GALNTL6: variants seen among roughly 807,000 people sequenced by gnomAD.
GALNTL6 encodes the protein polypeptide N-acetylgalactosaminyltransferase-like 6.
Under a neutral mutation model 73.7 loss-of-function variants are expected in GALNTL6, and 46 were observed. The ratio of observed to expected loss-of-function variants is 0.62; its 90% CI spans 0.49 to 0.80. The LOEUF (loss-of-function observed/expected upper bound fraction) is 0.80, where lower values mean the gene tolerates loss of function less well. Ranked by LOEUF, GALNTL6 falls within the 30% of genes least tolerant of loss-of-function variation. The pLI is 0.00. For missense variants in GALNTL6, 604 were observed against 755.0 expected (o/e 0.80, Z 2.34); for synonymous variants, 259 against 263.7 (o/e 0.98, Z 0.17).
chr4:172,685,026 A>C (rs1732837298), intron 5 of GALNTL6, among the ~76,000 whole-genome samples: 1 of 152,208 alleles, frequency 6.6e-6, no homozygotes, highest in South Asian at 2.1e-4. Flanking sequence ...CATATTGTAA[A>C]TACCTACAGC....
intron 10 of GALNTL6, among the ~76,000 whole-genome samples, chr4:172,975,071 T>C (rs768863819): frequency 4.6e-5 from 7 of 152,256 alleles, no homozygotes; most frequent in Non-Finnish European, 8.8e-5. Flanking sequence ...AGGGGATGGG[T>C]GTGTGTTTCA....
intron 5 of GALNTL6, among the ~76,000 whole-genome samples, chr4:172,577,378 C>G (rs1736995021): frequency 6.6e-6 from 1 of 152,134 alleles, no homozygotes; most frequent in Non-Finnish European, 1.5e-5. Flanking sequence ...ATTTTTATCC[C>G]TCTGTGTCCA....
chr4:172,822,193 C>G (rs1190182049), intron 7 of GALNTL6, among the ~76,000 whole-genome samples: 1 of 152,158 alleles, frequency 6.6e-6, no homozygotes, highest in African/African-American at 2.4e-5. Context: ...TACTGTACCT[C>G]CCTGCTTTTC....
intron 3 of GALNTL6, among the ~76,000 whole-genome samples, chr4:172,307,134 G>T (rs1452826432): frequency 3.3e-5 from 5 of 152,140 alleles, no homozygotes; most frequent in South Asian, 2.1e-4. Context: ...ACTATTTTTT[G>T]ATTTTTAAAT....
intron 2 of GALNTL6, among the ~76,000 whole-genome samples, chr4:172,017,879 T>C (rs570299611): frequency 3.7e-4 from 56 of 152,166 alleles, no homozygotes; most frequent in Admixed American, 6.5e-4. Flanking sequence ...CTCCAAGCCA[T>C]GGATACAGGC....
At chr4:172,205,680 C>T (rs1323286027) in intron 2 of GALNTL6, among the ~76,000 whole-genome samples, 1 of 151,990 alleles carries the variant, frequency 6.6e-6, no homozygotes, top group Non-Finnish European at 1.5e-5. Flanking sequence ...GAAGCTACTG[C>T]GATGTTTGTT....
intron 12 of GALNTL6, among the ~76,000 whole-genome samples, chr4:173,037,848 T>C (rs980237826): frequency 2.0e-5 from 3 of 152,018 alleles, no homozygotes; most frequent in Non-Finnish European, 4.4e-5. Flanking sequence ...GTTCAAGCGA[T>C]TCTCCTGCCT....
chr4:172,205,855 T>G (rs1736093640), intron 2 of GALNTL6, among the ~76,000 whole-genome samples: 1 of 152,226 alleles, frequency 6.6e-6, no homozygotes, highest in Non-Finnish European at 1.5e-5. Flanking sequence ...ACATAGTTTT[T>G]CCTTTCTGAG....
chr4:172,296,592 T>A lies in GALNTL6; in HGVS notation c.248-15022T>A, dbSNP rs532679360. Among the ~76,000 whole-genome samples, 7 of 152,216 alleles carry A rather than the reference T, an allele frequency of 4.6e-5. No individual in the cohort carries two copies. In the South Asian group the frequency reaches 1.5e-3, roughly 32 times the overall value. On this transcript the variant is annotated intron_variant, in intron 3 of 12. Transcript: ENST00000506823. ...GTGTTCTCATTGTTCAGTTCCCACC[T>A]ATGAGTGAGAACATGTGGTGTTTGG...
intron 2 of GALNTL6, among the ~76,000 whole-genome samples, chr4:172,005,186 G>A (rs1470605684): frequency 2.6e-5 from 4 of 151,662 alleles, no homozygotes; most frequent in South Asian, 2.1e-4. Context: ...GTGCAATGGC[G>A]CGATCTTGGC....
chr4:172,932,797 G>T (rs1748420399), intron 9 of GALNTL6, among the ~76,000 whole-genome samples: 2 of 152,160 alleles, frequency 1.3e-5, no homozygotes, highest in Admixed American at 6.5e-5. Flanking sequence ...TAGTACTTAT[G>T]TGTGGAATTT....
intron 5 of GALNTL6, among the ~76,000 whole-genome samples, chr4:172,669,450 C>T (rs1439655049): frequency 6.6e-6 from 1 of 152,144 alleles, no homozygotes. Flanking sequence ...ATGACCCCAA[C>T]AGTAGATGTT....
At chr4:172,571,734 G>C (rs1196939810) in intron 5 of GALNTL6, among the ~76,000 whole-genome samples, 1 of 152,152 alleles carries the variant, frequency 6.6e-6, no homozygotes, top group African/African-American at 2.4e-5. Context: ...AAATTATGAA[G>C]CCCTACTTTA....
intron 5 of GALNTL6, among the ~76,000 whole-genome samples, chr4:172,595,740 T>C (rs1043030480): frequency 1.3e-5 from 2 of 152,160 alleles, no homozygotes; most frequent in African/African-American, 4.8e-5. Context: ...TTATCTTGGA[T>C]ATAAAAGAAT....
At chr4:172,797,320 C>G (rs1049449052) in intron 5 of GALNTL6, among the ~76,000 whole-genome samples, 1 of 152,198 alleles carries the variant, frequency 6.6e-6, no homozygotes, top group Non-Finnish European at 1.5e-5. Flanking sequence ...GATATCGGCT[C>G]ACTGCAACCT....
chr4:172,952,268 G>A lies in GALNTL6; in HGVS notation c.1371+10G>A. The A allele has an allele frequency of 6.2e-7, 1 of 1,608,856 alleles. No homozygotes were observed. Among genetic ancestry groups the A allele is most frequent in the Non-Finnish European group, 8.5e-7 (1 of 1,175,794 alleles). Reference sequence around the variant, plus strand: ...TGCTGCCTGGGGGGAGGTGAGGAAAGGTTGCCTGAAACCTGCGCCTACCTA... The same window carrying A: ...TGCTGCCTGGGGGGAGGTGAGGAAAAGTTGCCTGAAACCTGCGCCTACCTA... On this transcript the variant is annotated intron_variant, in intron 10 of 12. Coordinates refer to ENST00000506823, the MANE Select transcript of GALNTL6 (RefSeq NM_001034845.3).
At chr4:172,354,698 CA>C (rs1224468361) in intron 5 of GALNTL6, among the ~76,000 whole-genome samples, 2 of 152,060 alleles carry the variant, frequency 1.3e-5, no homozygotes, top group African/African-American at 4.8e-5. Flanking sequence ...TATTACCCAC[CA>C]GTAGCAGAAT....
At chr4:172,874,817 A>G (rs1745109649) in intron 7 of GALNTL6, among the ~76,000 whole-genome samples, 1 of 152,190 alleles carries the variant, frequency 6.6e-6, no homozygotes, top group Non-Finnish European at 1.5e-5. Flanking sequence ...CAAAAGAGAA[A>G]GAGTTGTTTT....
chr4:172,153,410 T>G (rs994536133), intron 2 of GALNTL6, among the ~76,000 whole-genome samples: 6 of 152,220 alleles, frequency 3.9e-5, no homozygotes, highest in Non-Finnish European at 7.3e-5. Flanking sequence ...TTAGGGATTT[T>G]AATTTGAATT....
Sources: allele counts gnomAD v4.1 joint callset (sites outside exome capture counted in the v4.1 genomes callset), GRCh38; gene constraint gnomAD v4.1.1; transcripts MANE v1.5; gene names NCBI Gene and HGNC (gene_info 2026-07-23, HGNC 2026-07-21).